Variants in TRAPPC2 observed in about 807,000 individuals in gnomAD.
The protein encoded by TRAPPC2 is sedlin.
Under a neutral mutation model 10.0 loss-of-function variants are expected in TRAPPC2, and 4 were observed. The observed-to-expected ratio is 0.40, with a 90% CI of 0.20 to 0.92. The LOEUF (loss-of-function observed/expected upper bound fraction) is 0.92, where lower values mean the gene tolerates loss of function less well. Ranked by LOEUF, TRAPPC2 falls within the 40% of genes least tolerant of loss-of-function variation. The probability of loss-of-function intolerance (pLI) is 0.35; values close to 1 mark genes in which losing one functional copy is unlikely to be tolerated. For synonymous variants in TRAPPC2, 36 were observed against 37.3 expected (o/e 0.97, Z 0.12); for missense variants, 52 against 108.7 (o/e 0.48, Z 2.32).
intron 2 of TRAPPC2, among the ~76,000 whole-genome samples, chrX:13,722,408 A>G (rs1157420032): frequency 1.8e-5 from 2 of 110,655 alleles, no homozygotes; most frequent in Non-Finnish European, 3.8e-5. Flanking sequence ...GCTGTTACCA[A>G]CTACCCAGCT....
In TRAPPC2 at chrX:13,734,554, A is replaced by G; in HGVS notation, c.-191T>C. 1 of 401,237 alleles carries G rather than the reference A, an allele frequency of 2.5e-6. No homozygotes were observed. The allele number at this position is 401,237 out of a possible 1,213,427, so 33.1% of individuals were successfully genotyped here. Reference sequence around the variant, plus strand: ...AGTGGGAGGCCGACAACGGAAACGCAATGTCAGTTTCCGCGGAAGAGACCC... The same window carrying G: ...AGTGGGAGGCCGACAACGGAAACGCGATGTCAGTTTCCGCGGAAGAGACCC... On this transcript the variant is annotated 5_prime_UTR_variant, in exon 1 of 6. Coordinates refer to ENST00000380579, the MANE Select transcript of TRAPPC2 (RefSeq NM_001011658.4).
At chrX:13,722,088 G>A (rs769605368) in intron 2 of TRAPPC2, 2 of 108,871 alleles carry the variant, frequency 1.8e-5, no homozygotes, top group South Asian at 7.9e-4. Context: ...GGGAAGGACA[G>A]GGAGTTGAAA....
chrX:13,717,034 TAAAAAAA>T (rs1175025577), intron 3 of TRAPPC2, among the ~76,000 whole-genome samples: 1 of 37,936 alleles, frequency 2.6e-5, no homozygotes, highest in African/African-American at 1.1e-4. Context: ...GATACTATGT[TAAAAAAA>T]AAAAAAAAAA....
In TRAPPC2 at chrX:13,734,150, C is replaced by T. The variant is rs1415817826; in HGVS notation, c.-126G>A. On this transcript the variant is annotated 5_prime_UTR_variant, in exon 2 of 6. It removes an upstream start codon present in the reference 5' UTR. Coordinates refer to ENST00000380579, the MANE Select transcript of TRAPPC2 (RefSeq NM_001011658.4). ...GAGGACATCTGGCAATATCTGGAGA[C>T]ATCTTTGGTTGTCACACTTGGGGGA... is the stretch of plus-strand genomic sequence containing the variant. 2 of 507,489 alleles carry T rather than the reference C, an allele frequency of 3.9e-6. No homozygotes were observed. The highest frequency in any genetic ancestry group is 2.7e-5 in the Admixed American group (1 of 37,057). 41.8% of individuals were successfully genotyped at this position (507,489 alleles called of 1,213,427 possible). A position where few individuals can be genotyped will look rare whatever the true frequency, so the allele number is the denominator to read the frequency against.
chrX:13,716,130 C>A, intron 4 of TRAPPC2, 41 bp from the exon 5 acceptor site: 4 of 1,132,646 alleles, frequency 3.5e-6, no homozygotes, highest in Admixed American at 5.2e-5. Flanking sequence ...AAATGAAAAA[C>A]AAAAAGCAAC....
intron 3 of TRAPPC2, among the ~76,000 whole-genome samples, chrX:13,719,466 C>T: frequency 9.0e-6 from 1 of 111,423 alleles, no homozygotes; most frequent in East Asian, 2.8e-4. Flanking sequence ...TGCTGCAGAC[C>T]CAGTGGCAGC....
chrX:13,715,789 C>T, intron 5 of TRAPPC2: 1 of 924,068 alleles, frequency 1.1e-6, no homozygotes, highest in Non-Finnish European at 1.4e-6. Flanking sequence ...TCACAATCAT[C>T]TAAAGGTAAC....
At chrX:13,715,682 AT>A in intron 5 of TRAPPC2, 2 of 402,227 alleles carry the variant, frequency 5.0e-6, no homozygotes, top group Non-Finnish European at 3.3e-6. Context: ...TTATGAAGTA[AT>A]TTTCCCTTAT....
At chrX:13,714,980 C>T (rs1213978631) in intron 5 of TRAPPC2, among the ~76,000 whole-genome samples, 7 of 112,111 alleles carry the variant, frequency 6.2e-5, no homozygotes, top group African/African-American at 2.3e-4. Flanking sequence ...TGTATCATAA[C>T]GCATGACAGA....
chrX:13,715,301 C>T (rs778836431), intron 5 of TRAPPC2, among the ~76,000 whole-genome samples: 108 of 112,573 alleles, frequency 9.6e-4, no homozygotes, highest in African/African-American at 3.2e-3. Context: ...GGCAAAACCT[C>T]GTCTCTACTG....
At chrX:13,717,931 G>A (rs150217196) in intron 3 of TRAPPC2, among the ~76,000 whole-genome samples, 21 of 111,752 alleles carry the variant, frequency 1.9e-4, no homozygotes, top group African/African-American at 6.2e-4. Flanking sequence ...CCAATGGACT[G>A]GTGTATTTAG....
intron 2 of TRAPPC2, among the ~76,000 whole-genome samples, chrX:13,724,100 G>A (rs930781615): frequency 1.8e-5 from 2 of 111,794 alleles, no homozygotes; most frequent in African/African-American, 6.5e-5. Context: ...AAGCTGGAAA[G>A]TACAAGGAAA....
rs143637001 is a variant in TRAPPC2 at position 13,718,450 on chromosome X, G to T, written c.93+1421C>A. ...TTTAAGAAAGTGAGTGGTAGCAGGA[G>T]AAAGAACTAAAATCAAGTTATGCAA... On this transcript the variant is annotated intron_variant, in intron 3 of 5. Coordinates refer to ENST00000380579, the MANE Select transcript of TRAPPC2 (RefSeq NM_001011658.4). Among the ~76,000 whole-genome samples, 493 of 112,668 alleles carry T rather than the reference G, an allele frequency of 4.4e-3. 1 individual carries two copies. The highest frequency in any genetic ancestry group is 0.015 in the African/African-American group (468 of 31,053).
intron 2 of TRAPPC2, among the ~76,000 whole-genome samples, chrX:13,731,607 C>T (rs1480485447): frequency 9.0e-6 from 1 of 111,577 alleles, no homozygotes. Flanking sequence ...GCAGATACAC[C>T]ATTCGTCTCA....
chrX:13,724,588 C>T (rs762034136), intron 2 of TRAPPC2, among the ~76,000 whole-genome samples: 1 of 111,315 alleles, frequency 9.0e-6, no homozygotes, highest in African/African-American at 3.3e-5. Flanking sequence ...AGGCAGGCTG[C>T]GAACCTCAAG....
chrX:13,722,108 A>C (rs1674684584), intron 2 of TRAPPC2: 1 of 107,414 alleles, frequency 9.3e-6, no homozygotes, highest in African/African-American at 3.4e-5. Flanking sequence ...ATTTGAACCA[A>C]GTAAACAATG....
At chrX:13,734,244 A>G in intron 1 of TRAPPC2, 59 bp from the exon 2 acceptor site, 1 of 392,575 alleles carries the variant, frequency 2.5e-6, no homozygotes, top group Non-Finnish European at 4.5e-6. Flanking sequence ...CAGCCTCCCA[A>G]AACAAAGAAT....
At position 13,714,258 on chromosome X, in the gene TRAPPC2, T is replaced by C; in HGVS notation, c.*149A>G. 5.8e-6 allele frequency: 2 copies of C among 344,584 alleles called. No individual in the cohort carries two copies. Among genetic ancestry groups the C allele is most frequent in the Non-Finnish European group, 1.0e-5 (2 of 192,617 alleles). 28.4% of individuals were successfully genotyped at this position (344,584 alleles called of 1,213,427 possible). Reference sequence around the variant, plus strand: ...ACGTGACATGAGACAGAATGTACTATTTTTAAATATAAAAGGAATTTCATT... The same window carrying C: ...ACGTGACATGAGACAGAATGTACTACTTTTAAATATAAAAGGAATTTCATT... On this transcript the variant is annotated 3_prime_UTR_variant, in exon 6 of 6. Coordinates refer to ENST00000380579, the MANE Select transcript of TRAPPC2 (RefSeq NM_001011658.4).
At position 13,713,340 on chromosome X, in the gene TRAPPC2, C is replaced by T. The variant is rs1004486362; in HGVS notation, c.*1067G>A. On this transcript the variant is annotated 3_prime_UTR_variant, in exon 6 of 6. Transcript: ENST00000380579. ...TGGTGCATGCCTGTAATCCCAGCTA[C>T]TCGGGAGGCTGAAGAAGGAGAATTG... is the stretch of plus-strand genomic sequence containing the variant. The T allele has an allele frequency of 9.4e-6, 1 of 106,199 alleles. No homozygotes were observed. Among genetic ancestry groups the T allele is most frequent in the African/African-American group, 3.5e-5 (1 of 28,761 alleles). 8.8% of individuals were successfully genotyped at this position (106,199 alleles called of 1,213,427 possible).
Sources: gnomAD v4.1 joint callset for allele counts (sites outside exome capture counted in the v4.1 genomes callset) on GRCh38, gnomAD v4.1.1 for gene constraint, MANE v1.5 for transcripts, NCBI Gene and HGNC (gene_info 2026-07-23, HGNC 2026-07-21) for gene names.